The following CACNG3 variants were observed in gnomAD, a reference collection of about 807,000 sequenced individuals.
CACNG3 encodes the protein voltage-dependent calcium channel gamma-3 subunit.
A neutral mutation model predicts 28.5 loss-of-function variants in CACNG3; 3 were observed. That is an observed-to-expected ratio of 0.11 (90% CI 0.05 to 0.27). The LOEUF is 0.27. CACNG3 is among the 10% of genes least tolerant of loss of function. The pLI, the probability that CACNG3 is intolerant of heterozygous loss-of-function variation, is 1.00. For synonymous variants in CACNG3, 174 were observed against 162.2 expected, an observed-to-expected ratio of 1.07 and a Z score of -0.55; for missense variants, 236 against 414.4, an observed-to-expected ratio of 0.57 and a Z score of 3.74.
chr16:24,302,450 TTTTTTTTA>T (rs1267781737), intron 1 of CACNG3, among the ~76,000 whole-genome samples: 2 of 151,772 alleles, frequency 1.3e-5, no homozygotes, highest in Non-Finnish European at 2.9e-5. Context: ...AGGTATTGAT[TTTTTTTTA>T]TTTTTTTATT....
intron 1 of CACNG3, among the ~76,000 whole-genome samples, chr16:24,323,932 T>C (rs947857918): frequency 1.3e-5 from 2 of 152,180 alleles, no homozygotes; most frequent in Non-Finnish European, 2.9e-5. Context: ...CACACCAGGC[T>C]AATTTGTTTA....
intron 1 of CACNG3, among the ~76,000 whole-genome samples, chr16:24,313,577 A>G (rs539974072): frequency 3.3e-5 from 5 of 152,170 alleles, no homozygotes; most frequent in South Asian, 2.1e-4. Flanking sequence ...CTCAACCTCC[A>G]CAAGTGATTC....
At chr16:24,296,819 C>A (rs1567212592) in intron 1 of CACNG3, among the ~76,000 whole-genome samples, 2 of 152,162 alleles carry the variant, frequency 1.3e-5, no homozygotes. Context: ...GAAAGGGCTT[C>A]ATTATCTATT....
chr16:24,330,665 C>G (rs889198156), intron 1 of CACNG3, among the ~76,000 whole-genome samples: 1 of 152,196 alleles, frequency 6.6e-6, no homozygotes, highest in Non-Finnish European at 1.5e-5. Context: ...TGCAAGTGGA[C>G]TCAATTTTTC....
At chr16:24,328,639 C>G (rs1454363030) in intron 1 of CACNG3, among the ~76,000 whole-genome samples, 2 of 151,960 alleles carry the variant, frequency 1.3e-5, no homozygotes, top group African/African-American at 4.8e-5. Context: ...CACGGATCAT[C>G]GTAAGCTTAG....
chr16:24,341,549 C>T (rs940924114), intron 1 of CACNG3, among the ~76,000 whole-genome samples: 2 of 152,190 alleles, frequency 1.3e-5, no homozygotes, highest in East Asian at 1.9e-4. Flanking sequence ...CAGCAACTGG[C>T]GTAATAACTG....
intron 1 of CACNG3, among the ~76,000 whole-genome samples, chr16:24,299,828 A>G (rs570600747): frequency 3.5e-4 from 53 of 152,220 alleles, no homozygotes; most frequent in African/African-American, 1.2e-3. Flanking sequence ...ACTGCCTTCC[A>G]TGAAATTTGG....
chr16:24,352,294 A>T (rs1899959358), intron 2 of CACNG3, among the ~76,000 whole-genome samples: 1 of 151,998 alleles, frequency 6.6e-6, no homozygotes, highest in Non-Finnish European at 1.5e-5. Context: ...GAGCCAAAAT[A>T]AACTCGCATC....
chr16:24,278,145 G>A (rs1044634552), intron 1 of CACNG3, among the ~76,000 whole-genome samples: 2 of 152,184 alleles, frequency 1.3e-5, no homozygotes, highest in African/African-American at 4.8e-5. Flanking sequence ...AGTATGGAAG[G>A]TAGTATGATG....
intron 1 of CACNG3, among the ~76,000 whole-genome samples, chr16:24,283,090 G>A (rs1407571912): frequency 2.0e-5 from 3 of 151,968 alleles, no homozygotes; most frequent in East Asian, 3.9e-4. Flanking sequence ...AGATGGTCTC[G>A]ATCGCCTAAC....
At chr16:24,269,787 A>AAAAGAAAGAAAG (rs527400868) in intron 1 of CACNG3, among the ~76,000 whole-genome samples, 8 of 149,124 alleles carry the variant, frequency 5.4e-5, no homozygotes, top group African/African-American at 2.0e-4. Flanking sequence ...GAAAGAAAGA[A>AAAAGAAAGAAAG]AAAGAAAGAA....
chr16:24,347,714 A>T (rs1388623338), intron 2 of CACNG3, among the ~76,000 whole-genome samples: 1 of 152,230 alleles, frequency 6.6e-6, no homozygotes, highest in Non-Finnish European at 1.5e-5. Context: ...CCTGGATATG[A>T]CATGAACCGT....
intron 1 of CACNG3, among the ~76,000 whole-genome samples, chr16:24,289,207 C>G (rs906781074): frequency 6.6e-6 from 1 of 152,056 alleles, no homozygotes; most frequent in African/African-American, 2.4e-5. Flanking sequence ...GATGAATTCG[C>G]CTTAGAACTT....
chr16:24,259,966 T>C (rs1332595983), intron 1 of CACNG3, among the ~76,000 whole-genome samples: 1 of 152,234 alleles, frequency 6.6e-6, no homozygotes, highest in Non-Finnish European at 1.5e-5. Context: ...AAATCTGAGT[T>C]TTCTAAAGGT....
At position 24,310,741 on chromosome 16, in the gene CACNG3, C is replaced by G. The variant is rs7186993; in HGVS notation, c.212-35993C>G. 8.1e-4 allele frequency among the ~76,000 whole-genome samples: 124 copies of G among 152,252 alleles called. 1 individual carries two copies. The highest frequency in any genetic ancestry group is 2.8e-3 in the African/African-American group (117 of 41,548). ...GCACAGAGTGGTTAAGTGACTCACC[C>G]AAGGTCACATACCTGGTAGGGGGTG... On this transcript the variant is annotated intron_variant, in intron 1 of 3. Transcript: ENST00000005284.
intron 1 of CACNG3, among the ~76,000 whole-genome samples, chr16:24,333,026 A>G (rs1419349247): frequency 2.0e-5 from 3 of 152,368 alleles, no homozygotes; most frequent in East Asian, 3.9e-4. Flanking sequence ...AATGATTTGA[A>G]TATCAAAGGA....
At chr16:24,313,073 G>GAGGGAGGAAGGA (rs373092539) in intron 1 of CACNG3, among the ~76,000 whole-genome samples, 4 of 138,032 alleles carry the variant, frequency 2.9e-5, no homozygotes, top group South Asian at 2.5e-4. Flanking sequence ...GCGAGGGAGG[G>GAGGGAGGAAGGA]AGGAAGGAAG....
intron 1 of CACNG3, among the ~76,000 whole-genome samples, chr16:24,303,202 C>A (rs952517936): frequency 6.6e-6 from 1 of 152,180 alleles, no homozygotes; most frequent in Non-Finnish European, 1.5e-5. Flanking sequence ...CAGCCACATT[C>A]CTCGCTGTCT....
At chr16:24,347,032 G>C (rs1364800121) in intron 2 of CACNG3, among the ~76,000 whole-genome samples, 6 of 152,286 alleles carry the variant, frequency 3.9e-5, no homozygotes, top group Non-Finnish European at 8.8e-5. Flanking sequence ...AGAAGCAGGG[G>C]GTAGGGTGGG....
Sources: gnomAD v4.1 joint callset for allele counts (sites outside exome capture counted in the v4.1 genomes callset) on GRCh38, gnomAD v4.1.1 for gene constraint, MANE v1.5 for transcripts, NCBI Gene and HGNC (gene_info 2026-07-23, HGNC 2026-07-21) for gene names.